The following DYNC1I1 variants were observed in gnomAD, a reference collection of about 807,000 sequenced individuals.
DYNC1I1 encodes the protein cytoplasmic dynein 1 intermediate chain 1.
A neutral mutation model predicts 86.6 loss-of-function variants in DYNC1I1; 43 were observed. The ratio of observed to expected loss-of-function variants is 0.50; its 90% CI spans 0.39 to 0.64. The LOEUF (loss-of-function observed/expected upper bound fraction) is 0.64. Among genes scored for constraint, DYNC1I1 ranks in the 30% least tolerant of loss-of-function variants. DYNC1I1 has a pLI of 0.00. For synonymous variants in DYNC1I1, 262 were observed against 283.7 expected, an observed-to-expected ratio of 0.92 and a Z score of 0.77; for missense variants, 604 against 788.8, an observed-to-expected ratio of 0.77 and a Z score of 2.81.
intron 10 of DYNC1I1, among the ~76,000 whole-genome samples, chr7:95,997,648 A>G (rs1410838204): frequency 6.7e-6 from 1 of 149,870 alleles, no homozygotes; most frequent in Non-Finnish European, 1.5e-5. Flanking sequence ...TTGACTAAAC[A>G]TTTCTCCAAC....
At chr7:96,012,025 C>T (rs1354492621) in intron 10 of DYNC1I1, among the ~76,000 whole-genome samples, 1 of 152,088 alleles carries the variant, frequency 6.6e-6, no homozygotes, top group Non-Finnish European at 1.5e-5. Context: ...CTATGGTCTG[C>T]CAAAACTATC....
chr7:95,896,101 T>C (rs1451736818), intron 6 of DYNC1I1, among the ~76,000 whole-genome samples: 1 of 152,196 alleles, frequency 6.6e-6, no homozygotes, highest in Non-Finnish European at 1.5e-5. Flanking sequence ...GTAACTAGGG[T>C]TGGCAATAGC....
chr7:95,947,002 G>A (rs1178394564), intron 6 of DYNC1I1, among the ~76,000 whole-genome samples: 1 of 152,152 alleles, frequency 6.6e-6, no homozygotes, highest in African/African-American at 2.4e-5. Flanking sequence ...GACAGTTCTG[G>A]ATTACTGGAG....
At chr7:96,102,450 C>T (rs564674959), downstream of DYNC1I1, among the ~76,000 whole-genome samples, 2 of 152,278 alleles carry the variant, frequency 1.3e-5, no homozygotes, top group African/African-American at 4.8e-5. Context: ...TTTAGAATCT[C>T]CCCAATGTTT....
intron 6 of DYNC1I1, among the ~76,000 whole-genome samples, chr7:95,892,532 C>A (rs1790771179): frequency 6.6e-6 from 1 of 152,102 alleles, no homozygotes; most frequent in Non-Finnish European, 1.5e-5. Flanking sequence ...AGGATGGTCT[C>A]TATCTCCTGA....
At chr7:95,949,325 T>C (rs977673805) in intron 6 of DYNC1I1, among the ~76,000 whole-genome samples, 36 of 152,304 alleles carry the variant, frequency 2.4e-4, no homozygotes, top group African/African-American at 8.2e-4. Context: ...CTTTCCCCCA[T>C]GCAAGTGCAC....
At chr7:96,032,851 C>A in intron 12 of DYNC1I1, 71 bp downstream of exon 12, 1 of 1,332,430 alleles carries the variant, frequency 7.5e-7, no homozygotes, top group Non-Finnish European at 1.1e-6. Flanking sequence ...GAACATAGTT[C>A]CTAAAAGCCA....
intron 1 of DYNC1I1, among the ~76,000 whole-genome samples, chr7:95,789,492 T>C (rs1311486345): frequency 3.3e-5 from 5 of 152,198 alleles, no homozygotes; most frequent in African/African-American, 9.6e-5. Context: ...TTATTTTATG[T>C]TTTTTTCTCT....
chr7:96,027,077 C>T (rs1794700031), intron 10 of DYNC1I1, among the ~76,000 whole-genome samples: 1 of 152,196 alleles, frequency 6.6e-6, no homozygotes, highest in East Asian at 1.9e-4. Context: ...GCAGAGGATA[C>T]CTTTTTCTGT....
chr7:95,889,378 G>C (rs1395904241), intron 6 of DYNC1I1, among the ~76,000 whole-genome samples: 1 of 152,002 alleles, frequency 6.6e-6, no homozygotes, highest in East Asian at 1.9e-4. Context: ...AATAGTTCTG[G>C]GACAACTGGC....
chr7:96,076,512 G>A (rs1277923269), intron 15 of DYNC1I1, among the ~76,000 whole-genome samples: 2 of 152,170 alleles, frequency 1.3e-5, no homozygotes, highest in East Asian at 3.8e-4. Flanking sequence ...TCAGAGCCGT[G>A]TTGAAATAAC....
chr7:95,968,942 T>C (rs1437444815), intron 6 of DYNC1I1, among the ~76,000 whole-genome samples: 3 of 150,204 alleles, frequency 2.0e-5, no homozygotes, highest in Non-Finnish European at 4.4e-5. Flanking sequence ...GGCTGTGTCT[T>C]ACACGCCTCA....
chr7:96,063,540 T>C (rs1004892212), intron 14 of DYNC1I1, among the ~76,000 whole-genome samples: 1 of 152,164 alleles, frequency 6.6e-6, no homozygotes, highest in Non-Finnish European at 1.5e-5. Context: ...CCTCTCGCTT[T>C]GACTTGTAGG....
intron 16 of DYNC1I1, among the ~76,000 whole-genome samples, chr7:96,103,634 AC>A (rs1262763767): frequency 2.0e-5 from 3 of 148,820 alleles, no homozygotes; most frequent in Non-Finnish European, 4.4e-5. Context: ...TTTTTTTGAG[AC>A]GGAGTCTCGC....
chr7:96,108,082 T>C (rs1584324961), intron 16 of DYNC1I1, among the ~76,000 whole-genome samples: 1 of 152,280 alleles, frequency 6.6e-6, no homozygotes, highest in South Asian at 2.1e-4. Context: ...ACATGATGTA[T>C]GATATAAGCT....
At chr7:96,076,314 G>A (rs1262512859) in intron 15 of DYNC1I1, 117 bp downstream of exon 15, 7 of 1,425,538 alleles carry the variant, frequency 4.9e-6, no homozygotes, top group Non-Finnish European at 6.5e-6. Flanking sequence ...TCCAACTGCA[G>A]CAGGGCTGCC....
chr7:96,008,971 T>C (rs1348259262), intron 10 of DYNC1I1, among the ~76,000 whole-genome samples: 1 of 152,236 alleles, frequency 6.6e-6, no homozygotes, highest in Non-Finnish European at 1.5e-5. Context: ...TATATTATGC[T>C]ATTAAATATA....
Position 96,097,528 on chromosome 7 carries a change from C to T in DYNC1I1, c.1822C>T (p.Leu608Phe). The change falls in exon 17 of 17, where the codon CTT becomes TTT. Residue 608 changes from leucine to phenylalanine, a missense_variant. Transcript: ENST00000447467. ...NDEWTRFART[L>F]VEIRANRADS... is the part of the protein sequence containing the mutation. ...TGAATGGACCCGATTTGCCAGGACC[C>T]TTGTGGAAATTCGTGCTAACAGAGC... is the stretch of plus-strand genomic sequence containing the variant. The T allele has an allele frequency of 3.7e-6, 6 of 1,613,808 alleles. No individual in the cohort carries two copies. Among genetic ancestry groups the T allele is most frequent in the Non-Finnish European group, 5.1e-6 (6 of 1,179,790 alleles).
At chr7:95,912,364 G>A (rs1791360485) in intron 6 of DYNC1I1, among the ~76,000 whole-genome samples, 1 of 152,192 alleles carries the variant, frequency 6.6e-6, no homozygotes, top group South Asian at 2.1e-4. Flanking sequence ...GCTAAGAAAG[G>A]AGAGGAAAGG....
Sources: allele counts gnomAD v4.1 joint callset (sites outside exome capture counted in the v4.1 genomes callset), GRCh38; gene constraint gnomAD v4.1.1; transcripts MANE v1.5; gene names NCBI Gene and HGNC (gene_info 2026-07-23, HGNC 2026-07-21).